TTLL9: variants seen among roughly 807,000 people sequenced by gnomAD.
TTLL9 encodes probable tubulin polyglutamylase TTLL9.
A neutral mutation model predicts 65.6 loss-of-function variants in TTLL9; 47 were observed. The ratio of observed to expected loss-of-function variants is 0.72; its 90% CI spans 0.57 to 0.91. The LOEUF (loss-of-function observed/expected upper bound fraction) is 0.91, where lower values mean the gene tolerates loss of function less well. TTLL9 is among the 40% of genes least tolerant of loss of function. The pLI, the probability that TTLL9 is intolerant of heterozygous loss-of-function variation, is 0.00. For missense variants in TTLL9, 537 were observed against 568.8 expected (o/e 0.94, Z 0.57); for synonymous variants, 179 against 204.8 (o/e 0.87, Z 1.07).
intron 4 of TTLL9, among the ~76,000 whole-genome samples, chr20:31,902,126 A>G (rs1266375451): frequency 6.6e-6 from 1 of 152,018 alleles, no homozygotes; most frequent in Non-Finnish European, 1.5e-5. Context: ...TTTCCCCCAC[A>G]TACCTGCTGT....
In TTLL9 at chr20:31,925,926, C is replaced by T. The variant is rs142721540; in HGVS notation, c.706-123C>T. On this transcript the variant is annotated intron_variant, in intron 9 of 14. Transcript: ENST00000535842. ...GGGATGGCTTTGCCCGATTCTCCAACACCCGCTTCACACTGAACAGCATTG... is the reference window on the plus strand; with the variant it reads ...GGGATGGCTTTGCCCGATTCTCCAATACCCGCTTCACACTGAACAGCATTG... 645 of 1,555,354 alleles carry T rather than the reference C, an allele frequency of 4.1e-4. 13 individuals carry two copies. The East Asian group carries it at 0.016, about 37-fold the overall frequency.
At chr20:31,895,690 CCA>C (rs2063374121) in intron 3 of TTLL9, among the ~76,000 whole-genome samples, 1 of 152,018 alleles carries the variant, frequency 6.6e-6, no homozygotes. Context: ...GCACATGCCA[CCA>C]TGCCCGGCTA....
chr20:31,898,598 C>T (rs2063422632), intron 4 of TTLL9, 33 bp downstream of exon 4: 1 of 1,590,182 alleles, frequency 6.3e-7, no homozygotes, highest in Non-Finnish European at 8.6e-7. Flanking sequence ...GTCCCTCCTT[C>T]CCTTTGTCTC....
At chr20:31,893,818 A>G (rs1441423965) in intron 3 of TTLL9, among the ~76,000 whole-genome samples, 1 of 152,072 alleles carries the variant, frequency 6.6e-6, no homozygotes, top group African/African-American at 2.4e-5. Context: ...AAAATTTTTT[A>G]GCCATCATTT....
rs1348722067 is a variant in TTLL9 at position 31,919,994 on chromosome 20, C to T, written c.573+62C>T. The T allele has an allele frequency of 2.9e-6, 4 of 1,378,664 alleles. No individual in the cohort carries two copies. In the African/African-American group the frequency reaches 6.0e-5, roughly 21 times the overall value. 85.4% of individuals were successfully genotyped at this position (1,378,664 alleles called of 1,614,324 possible). On this transcript the variant is annotated intron_variant, in intron 7 of 14. Transcript: ENST00000535842. ...CCTCTGACCTTGCCAGCAGGAGGGG[C>T]CACTCCTTCCTGCAATCAAAGCTCA...
At chr20:31,878,746 A>G (rs188480310) in intron 2 of TTLL9, among the ~76,000 whole-genome samples, 3 of 152,324 alleles carry the variant, frequency 2.0e-5, no homozygotes, top group African/African-American at 7.2e-5. Context: ...TTAATCAAAG[A>G]TAGTTTTTTG....
intron 13 of TTLL9, 149 bp from the exon 14 acceptor site, chr20:31,938,993 C>G: frequency 1.1e-6 from 1 of 907,458 alleles, no homozygotes; most frequent in Non-Finnish European, 1.5e-6. Flanking sequence ...TACATAGGCA[C>G]CTGGGAAACA....
intron 3 of TTLL9, among the ~76,000 whole-genome samples, chr20:31,897,394 G>A (rs948936365): frequency 5.3e-5 from 8 of 152,164 alleles, no homozygotes; most frequent in African/African-American, 1.9e-4. Flanking sequence ...TCCTCATATT[G>A]GGTAGTTGAG....
At chr20:31,895,678 A>G (rs928941045) in intron 3 of TTLL9, among the ~76,000 whole-genome samples, 3 of 152,164 alleles carry the variant, frequency 2.0e-5, no homozygotes, top group Admixed American at 2.0e-4. Flanking sequence ...CTGGGATTAC[A>G]GGCACATGCC....
At chr20:31,928,048 C>CTT (rs11339322) in intron 10 of TTLL9, among the ~76,000 whole-genome samples, 7 of 146,488 alleles carry the variant, frequency 4.8e-5, no homozygotes, top group African/African-American at 1.7e-4. Context: ...TTGCCACCTA[C>CTT]TTTTTTTTTT....
At chr20:31,924,228 G>T (rs2063857322) in intron 8 of TTLL9, among the ~76,000 whole-genome samples, 1 of 151,956 alleles carries the variant, frequency 6.6e-6, no homozygotes, top group African/African-American at 2.4e-5. Flanking sequence ...CCGCTGCTCT[G>T]CCCACTTCAC....
At chr20:31,910,496 C>A (rs6142576) in intron 6 of TTLL9, among the ~76,000 whole-genome samples, 1 of 152,304 alleles carries the variant, frequency 6.6e-6, no homozygotes, top group East Asian at 1.9e-4. Flanking sequence ...CTCTTCCTGG[C>A]TGGGCAGGCT....
chr20:31,925,931 G>A (rs1042295222), intron 9 of TTLL9, 118 bp from the exon 10 acceptor site: 17 of 1,556,996 alleles, frequency 1.1e-5, no homozygotes, highest in East Asian at 2.4e-5. Context: ...TCCAACACCC[G>A]CTTCACACTG....
intron 2 of TTLL9, among the ~76,000 whole-genome samples, chr20:31,872,549 C>T (rs960810293): frequency 1.1e-4 from 17 of 151,744 alleles, no homozygotes; most frequent in Admixed American, 2.0e-4. Context: ...ACCTGTAGTC[C>T]AAGCTACTCA....
chr20:31,905,311 G>T (rs1459584694), intron 4 of TTLL9, among the ~76,000 whole-genome samples: 1 of 151,972 alleles, frequency 6.6e-6, no homozygotes, highest in African/African-American at 2.4e-5. Flanking sequence ...CTGACCTCAG[G>T]TGATCCACAC....
Position 31,926,045 on chromosome 20 carries a change from A to G in TTLL9, c.706-4A>G, listed in dbSNP as rs2063899580. ...AGTCCCAAGTGAACTCCTTTGTCCC[A>G]CAGGTGTTTGCTGAATGCCTGCTGT... On this transcript the variant is annotated splice_region_variant and splice_polypyrimidine_tract_variant and intron_variant, in intron 9 of 14. Coordinates refer to ENST00000535842, the MANE Select transcript of TTLL9 (RefSeq NM_001008409.5). 2 of 1,613,794 alleles carry G rather than the reference A, an allele frequency of 1.2e-6. No homozygotes were observed. The highest frequency in any genetic ancestry group is 1.1e-5 in the South Asian group (1 of 91,016).
chr20:31,885,393 C>G (rs974769254), intron 2 of TTLL9, among the ~76,000 whole-genome samples: 4 of 152,018 alleles, frequency 2.6e-5, no homozygotes, highest in Non-Finnish European at 4.4e-5. Context: ...TATGCATGGT[C>G]AATTGAATTG....
chr20:31,943,945 A>G lies in TTLL9; in HGVS notation c.*924A>G. Reference sequence around the variant, plus strand: ...TCGGGGCTGTTGGGGTAACTGTTCCAGGGGGGACTTACTCCCTCTACCACT... The same window carrying G: ...TCGGGGCTGTTGGGGTAACTGTTCCGGGGGGGACTTACTCCCTCTACCACT... On this transcript the variant is annotated 3_prime_UTR_variant, in exon 15 of 15. Transcript: ENST00000535842. 1 of 413,918 alleles carries G rather than the reference A, an allele frequency of 2.4e-6. No homozygotes were observed. The allele number at this position is 413,918 out of a possible 1,614,324, so 25.6% of individuals were successfully genotyped here.
intron 3 of TTLL9, among the ~76,000 whole-genome samples, chr20:31,891,540 A>T (rs1288843430): frequency 2.0e-5 from 3 of 147,134 alleles, no homozygotes; most frequent in African/African-American, 7.6e-5. Flanking sequence ...AGGTCTTGCT[A>T]TGTTGCTCTG....
Sources: allele counts gnomAD v4.1 joint callset (sites outside exome capture counted in the v4.1 genomes callset), GRCh38; gene constraint gnomAD v4.1.1; transcripts MANE v1.5; gene names NCBI Gene and HGNC (gene_info 2026-07-23, HGNC 2026-07-21).